RIT2: variants seen among roughly 807,000 people sequenced by gnomAD.
RIT2 encodes GTP-binding protein Rit2.
In RIT2, 24 loss-of-function variants were observed where a neutral mutation model predicts 23.7. The observed-to-expected ratio is 1.01, with a 90% CI of 0.73 to 1.43. RIT2 has a LOEUF of 1.43. Among genes scored for constraint, RIT2 ranks in the 40% most tolerant of loss-of-function variants. The pLI is 0.00. For synonymous variants in RIT2, 107 were observed against 91.1 expected, an observed-to-expected ratio of 1.17 and a Z score of -0.99; for missense variants, 236 against 266.9, an observed-to-expected ratio of 0.88 and a Z score of 0.81.
intron 4 of RIT2, among the ~76,000 whole-genome samples, chr18:42,840,254 CTCATT>C (rs1349561723): frequency 2.0e-5 from 3 of 152,162 alleles, no homozygotes; most frequent in African/African-American, 7.2e-5. Context: ...TTTGCTTATT[CTCATT>C]TATTTCTTTC....
chr18:42,892,468 G>T (rs554534183), intron 4 of RIT2, among the ~76,000 whole-genome samples: 3 of 152,284 alleles, frequency 2.0e-5, no homozygotes, highest in South Asian at 4.1e-4. Flanking sequence ...TACTTCAGGG[G>T]AAATAATCCT....
At chr18:43,016,112 A>T (rs544977633) in intron 2 of RIT2, among the ~76,000 whole-genome samples, 1 of 151,854 alleles carries the variant, frequency 6.6e-6, no homozygotes, top group Non-Finnish European at 1.5e-5. Flanking sequence ...AAAAGTGAGA[A>T]TTTGTTTAAT....
intron 4 of RIT2, among the ~76,000 whole-genome samples, chr18:42,855,391 TCAAGATATA>T (rs1364709405): frequency 4.6e-5 from 7 of 152,200 alleles, no homozygotes; most frequent in Non-Finnish European, 5.9e-5. Flanking sequence ...GAATAGTCAT[TCAAGATATA>T]CAATTATAAG....
rs57683990 is a variant in RIT2, at chr18:42,815,350, G to A, written c.427-71630C>T. 4.1e-4 allele frequency among the ~76,000 whole-genome samples: 63 copies of A among 152,184 alleles called. No homozygotes were observed. The South Asian group carries it at 7.9e-3, about 19-fold the overall frequency. Reference sequence around the variant, plus strand: ...TCTGGAAAGTCTCAGCAATAGAATCGAACAAGTAGAAGAAAGAAATTCACA... The same window carrying A: ...TCTGGAAAGTCTCAGCAATAGAATCAAACAAGTAGAAGAAAGAAATTCACA... On this transcript the variant is annotated intron_variant, in intron 4 of 4. Coordinates refer to ENST00000326695, the MANE Select transcript of RIT2 (RefSeq NM_002930.4).
At chr18:43,026,612 GAAAGAA>G (rs1911731885) in intron 2 of RIT2, among the ~76,000 whole-genome samples, 2 of 142,022 alleles carry the variant, frequency 1.4e-5, no homozygotes, top group Admixed American at 7.1e-5. Flanking sequence ...AAGAAAGAAA[GAAAGAA>G]AGAAAGAAAG....
chr18:42,939,262 G>C (rs1281689298), intron 3 of RIT2, among the ~76,000 whole-genome samples: 1 of 152,036 alleles, frequency 6.6e-6, no homozygotes, highest in Non-Finnish European at 1.5e-5. Context: ...CCACTTCATA[G>C]GTCCCTAGGA....
intron 4 of RIT2, among the ~76,000 whole-genome samples, chr18:42,870,888 C>T (rs572467791): frequency 4.9e-4 from 75 of 152,208 alleles, no homozygotes; most frequent in African/African-American, 1.8e-3. Flanking sequence ...AGTACACAAA[C>T]GTTTCAAGTC....
chr18:42,906,474 C>A (rs563320775), intron 4 of RIT2, among the ~76,000 whole-genome samples: 10 of 151,560 alleles, frequency 6.6e-5, no homozygotes, highest in Admixed American at 1.3e-4. Flanking sequence ...TCTTTTTTTC[C>A]TTGATCCCTT....
At chr18:43,085,521 C>T (rs1913262896) in intron 1 of RIT2, among the ~76,000 whole-genome samples, 1 of 152,076 alleles carries the variant, frequency 6.6e-6, no homozygotes. Context: ...TCCTACCAGC[C>T]TCTGGTAATC....
chr18:42,889,237 C>T (rs181537328), intron 4 of RIT2, among the ~76,000 whole-genome samples: 315 of 152,032 alleles, frequency 2.1e-3, no homozygotes, highest in African/African-American at 6.9e-3. Flanking sequence ...CAGCTTTCCT[C>T]GGGTATTCAA....
intron 2 of RIT2, among the ~76,000 whole-genome samples, chr18:43,009,015 A>T (rs1258051029): frequency 1.3e-5 from 2 of 151,658 alleles, no homozygotes; most frequent in Admixed American, 1.3e-4. Flanking sequence ...AACACAAAGA[A>T]CTATATCCTT....
At chr18:42,796,475 A>AGCGCTAT (rs61040179) in intron 4 of RIT2, among the ~76,000 whole-genome samples, 1 of 152,054 alleles carries the variant, frequency 6.6e-6, no homozygotes, top group Admixed American at 6.5e-5. Context: ...TTCCGGACAC[A>AGCGCTAT]GCTGGGTGCT....
At chr18:42,877,111 T>C (rs1907763108) in intron 4 of RIT2, among the ~76,000 whole-genome samples, 1 of 151,916 alleles carries the variant, frequency 6.6e-6, no homozygotes, top group African/African-American at 2.4e-5. Context: ...TTTCAATTTC[T>C]GTGACAGACA....
At chr18:42,882,024 T>G (rs558089412) in intron 4 of RIT2, among the ~76,000 whole-genome samples, 1 of 152,346 alleles carries the variant, frequency 6.6e-6, no homozygotes, top group South Asian at 2.1e-4. Context: ...ATATAAGCAT[T>G]TCATGCTTTT....
At chr18:42,891,912 A>G (rs895812001) in intron 4 of RIT2, among the ~76,000 whole-genome samples, 2 of 152,270 alleles carry the variant, frequency 1.3e-5, no homozygotes, top group African/African-American at 4.8e-5. Context: ...CGGTGTGTCA[A>G]TGTAGATTTA....
chr18:42,830,191 AAG>A, intron 4 of RIT2, among the ~76,000 whole-genome samples: 1 of 152,284 alleles, frequency 6.6e-6, no homozygotes, highest in East Asian at 1.9e-4. Flanking sequence ...CACTTCTTTC[AAG>A]GTCAGGCTCA....
At chr18:43,055,195 T>C (rs1912471821) in intron 1 of RIT2, among the ~76,000 whole-genome samples, 2 of 152,282 alleles carry the variant, frequency 1.3e-5, no homozygotes, top group African/African-American at 2.4e-5. Flanking sequence ...TTCTCAGTTA[T>C]GTATTTAAAT....
intron 4 of RIT2, among the ~76,000 whole-genome samples, chr18:42,845,294 T>C (rs1273305623): frequency 6.6e-6 from 1 of 151,988 alleles, no homozygotes; most frequent in East Asian, 1.9e-4. Flanking sequence ...TAGACAGTAG[T>C]TAAACTTTTC....
chr18:42,902,222 T>C (rs1908493615), intron 4 of RIT2, among the ~76,000 whole-genome samples: 1 of 151,754 alleles, frequency 6.6e-6, no homozygotes, highest in Non-Finnish European at 1.5e-5. Flanking sequence ...ACAGAAGCTC[T>C]TTGGGGGATT....
Sources: allele counts gnomAD v4.1 joint callset (sites outside exome capture counted in the v4.1 genomes callset), GRCh38; gene constraint gnomAD v4.1.1; transcripts MANE v1.5; gene names NCBI Gene and HGNC (gene_info 2026-07-23, HGNC 2026-07-21).